NDST3: variants seen among roughly 807,000 people sequenced by gnomAD.
NDST3 encodes N-deacetylase and N-sulfotransferase 3, also known as bifunctional heparan sulfate N-deacetylase/N-sulfotransferase 3.
In NDST3, 58 loss-of-function variants were observed where a neutral mutation model predicts 96.1. The ratio of observed to expected loss-of-function variants is 0.60; its 90% CI spans 0.49 to 0.75. The LOEUF (loss-of-function observed/expected upper bound fraction) is 0.75. Ranked by LOEUF, NDST3 falls within the 30% of genes least tolerant of loss-of-function variation. NDST3 has a pLI of 0.00. For missense variants in NDST3, 788 were observed against 1,034.2 expected (o/e 0.76, Z 3.27); for synonymous variants, 333 against 359.7 (o/e 0.93, Z 0.84).
chr4:118,065,527 T>C (rs139287767), intron 2 of NDST3, among the ~76,000 whole-genome samples: 83 of 152,210 alleles, frequency 5.5e-4, no homozygotes, highest in Non-Finnish European at 9.4e-4. Flanking sequence ...GAGTTTCTAA[T>C]ATCATGTTTC....
At chr4:118,058,743 T>A (rs1725661177) in intron 2 of NDST3, among the ~76,000 whole-genome samples, 1 of 151,818 alleles carries the variant, frequency 6.6e-6, no homozygotes. Context: ...ACCCTCAAAC[T>A]TCCCGACTAA....
chr4:118,110,062 A>C (rs1490103407), intron 3 of NDST3, among the ~76,000 whole-genome samples: 2 of 152,198 alleles, frequency 1.3e-5, no homozygotes, highest in Non-Finnish European at 2.9e-5. Context: ...AGAAACTTAA[A>C]GGGGCCCAAG....
chr4:118,143,639 G>A lies in NDST3; in HGVS notation c.1494G>A (p.Lys498=), dbSNP rs747227062. ...CAGGGGGTCCTAAAGAGCTGGATAA[G>A]AGTATCCAAGGAGGAGAACTTTTCT... ...EYPGGPKELD[K]SIQGGELFFT... The change falls in exon 6 of 14, where the codon AAG becomes AAA. Residue 498 remains lysine (K), a synonymous_variant. Coordinates refer to ENST00000296499, the MANE Select transcript of NDST3 (RefSeq NM_004784.3). 7 of 1,608,206 alleles carry A rather than the reference G, an allele frequency of 4.4e-6. No individual in the cohort carries two copies. The African/African-American group carries it at 9.4e-5, about 22-fold the overall frequency.
intron 6 of NDST3, among the ~76,000 whole-genome samples, chr4:118,218,124 C>G (rs1046479574): frequency 4.6e-5 from 7 of 152,120 alleles, no homozygotes; most frequent in African/African-American, 1.7e-4. Context: ...AAAAGAGGAG[C>G]TGGTATCTTT....
chr4:118,189,077 T>A (rs1184484858), intron 6 of NDST3, among the ~76,000 whole-genome samples: 1 of 152,136 alleles, frequency 6.6e-6, no homozygotes, highest in African/African-American at 2.4e-5. Flanking sequence ...TTGAGATAAG[T>A]CTCACTCTGT....
At chr4:118,148,359 T>C (rs114455885) in intron 6 of NDST3, among the ~76,000 whole-genome samples, 1,726 of 152,284 alleles carry the variant, frequency 0.011, 32 homozygotes, top group African/African-American at 0.039. Context: ...TCCCTGACCA[T>C]GTAACAATAT....
In NDST3 at chr4:118,106,776, G is replaced by A. The variant is rs1367655570; in HGVS notation, c.1069+1671G>A. Among the ~76,000 whole-genome samples the A allele has an allele frequency of 3.9e-5, 6 of 152,020 alleles. No homozygotes were observed. In the East Asian group the frequency reaches 1.2e-3, roughly 29 times the overall value. ...ACTGCGCTCCAGTCTAAGCAACAGA[G>A]CAAGAATCTGTCTCTTAAAAAAAAA... On this transcript the variant is annotated intron_variant, in intron 3 of 13. Transcript: ENST00000296499.
At chr4:118,098,861 A>T (rs545429253) in intron 2 of NDST3, among the ~76,000 whole-genome samples, 1 of 152,202 alleles carries the variant, frequency 6.6e-6, no homozygotes, top group Admixed American at 6.6e-5. Context: ...GTGCTGATTA[A>T]CTCCAAAAGT....
chr4:118,178,733 T>A (rs1259319609), intron 6 of NDST3, among the ~76,000 whole-genome samples: 1 of 152,068 alleles, frequency 6.6e-6, no homozygotes, highest in Admixed American at 6.6e-5. Flanking sequence ...GGTAATTCTA[T>A]CTTCAATTTT....
chr4:118,253,217 C>A (rs1449609067), intron 12 of NDST3, among the ~76,000 whole-genome samples: 1 of 152,062 alleles, frequency 6.6e-6, no homozygotes, highest in Non-Finnish European at 1.5e-5. Flanking sequence ...AAGGAAGTAG[C>A]CTTATTAATT....
chr4:118,103,646 T>A (rs1392194504), intron 2 of NDST3, among the ~76,000 whole-genome samples: 1 of 152,086 alleles, frequency 6.6e-6, no homozygotes, highest in Non-Finnish European at 1.5e-5. Flanking sequence ...TCCTCCCCCA[T>A]CCAAACCGTG....
rs919830223 is a variant in NDST3, at chr4:118,105,116, G to A, written c.1069+11G>A. The A allele has an allele frequency of 3.1e-6, 5 of 1,590,924 alleles. No individual in the cohort carries two copies. In the African/African-American group the frequency reaches 6.7e-5, roughly 21 times the overall value. On this transcript the variant is annotated intron_variant, in intron 3 of 13. Coordinates refer to ENST00000296499, the MANE Select transcript of NDST3 (RefSeq NM_004784.3). Reference sequence around the variant, plus strand: ...AATTTTACCATACAGGTAAGAAAAAGGGATTAACTGTTCTCATTAAGGCTT... The same window carrying A: ...AATTTTACCATACAGGTAAGAAAAAAGGATTAACTGTTCTCATTAAGGCTT...
intron 6 of NDST3, among the ~76,000 whole-genome samples, chr4:118,176,878 T>TA (rs1177621702): frequency 1.3e-5 from 2 of 151,672 alleles, no homozygotes; most frequent in African/African-American, 4.8e-5. Flanking sequence ...AATTTGAAAG[T>TA]AAAAAAAACT....
At chr4:118,068,748 A>AT (rs975593632) in intron 2 of NDST3, among the ~76,000 whole-genome samples, 5 of 152,080 alleles carry the variant, frequency 3.3e-5, no homozygotes, top group Admixed American at 2.0e-4. Flanking sequence ...GGGTCCTATT[A>AT]TTTTTTCCTG....
chr4:118,168,965 G>A (rs1024552144), intron 6 of NDST3, among the ~76,000 whole-genome samples: 2 of 152,106 alleles, frequency 1.3e-5, no homozygotes, highest in Non-Finnish European at 2.9e-5. Flanking sequence ...ATTGCCAGGA[G>A]CTTGGGGAGG....
At chr4:118,228,669 G>A (rs1243257596) in intron 8 of NDST3, among the ~76,000 whole-genome samples, 1 of 151,992 alleles carries the variant, frequency 6.6e-6, no homozygotes, top group Non-Finnish European at 1.5e-5. Flanking sequence ...ACACAGTTAT[G>A]TCCACCACCA....
At chr4:118,166,251 A>T (rs565357865) in intron 6 of NDST3, among the ~76,000 whole-genome samples, 46 of 152,038 alleles carry the variant, frequency 3.0e-4, no homozygotes, top group African/African-American at 1.0e-3. Flanking sequence ...AATAAAGATG[A>T]TCATAATAGT....
At chr4:118,173,856 T>C (rs1027744271) in intron 6 of NDST3, among the ~76,000 whole-genome samples, 3 of 152,258 alleles carry the variant, frequency 2.0e-5, no homozygotes, top group Admixed American at 6.5e-5. Context: ...TTGTAATACA[T>C]AGAATTCCAG....
intron 3 of NDST3, 123 bp from the exon 4 acceptor site, chr4:118,114,683 G>C: frequency 9.2e-7 from 1 of 1,089,342 alleles, no homozygotes; most frequent in Non-Finnish European, 1.3e-6. Flanking sequence ...AGCCTTATAC[G>C]TAAAACAGAA....
Sources: gnomAD v4.1 joint callset for allele counts (sites outside exome capture counted in the v4.1 genomes callset) on GRCh38, gnomAD v4.1.1 for gene constraint, MANE v1.5 for transcripts, NCBI Gene and HGNC (gene_info 2026-07-23, HGNC 2026-07-21) for gene names.